The following EFCAB6 variants were observed in gnomAD, a reference collection of about 807,000 sequenced individuals.
EFCAB6 encodes EF-hand calcium binding domain 6, also known as EF-hand calcium-binding domain-containing protein 6.
Under a neutral mutation model 169.8 loss-of-function variants are expected in EFCAB6, and 156 were observed. The ratio of observed to expected loss-of-function variants is 0.92; its 90% confidence interval spans 0.81 to 1.05. EFCAB6 has a LOEUF of 1.05. Among genes scored for constraint, EFCAB6 ranks in the 50% least tolerant of loss-of-function variants. The pLI is 0.00. For synonymous variants in EFCAB6, 698 were observed against 676.4 expected, an observed-to-expected ratio of 1.03 and a Z score of -0.50; for missense variants, 1,800 against 1,829.1, an observed-to-expected ratio of 0.98 and a Z score of 0.29.
chr22:43,599,868 G>C (rs571882314), intron 23 of EFCAB6, among the ~76,000 whole-genome samples: 1 of 152,224 alleles, frequency 6.6e-6, no homozygotes, highest in East Asian at 1.9e-4. Context: ...ATTGTGACTG[G>C]GTAAGATGGA....
intron 13 of EFCAB6, among the ~76,000 whole-genome samples, chr22:43,675,251 T>G (rs1226341439): frequency 3.5e-5 from 5 of 143,004 alleles, no homozygotes; most frequent in African/African-American, 1.3e-4. Context: ...TATTATATAT[T>G]ATGTGTATAT....
At chr22:43,618,120 A>T (rs2053828994) in intron 20 of EFCAB6, among the ~76,000 whole-genome samples, 1 of 134,978 alleles carries the variant, frequency 7.4e-6, no homozygotes, top group Admixed American at 7.8e-5. Flanking sequence ...AATCTCAAAA[A>T]AAAAAAAGAA....
intron 6 of EFCAB6, among the ~76,000 whole-genome samples, chr22:43,753,976 A>C (rs1454403551): frequency 6.6e-6 from 1 of 152,208 alleles, no homozygotes; most frequent in Non-Finnish European, 1.5e-5. Context: ...ATCATTCCTA[A>C]GTCTTTTTCT....
intron 5 of EFCAB6, among the ~76,000 whole-genome samples, chr22:43,756,543 C>T (rs1449182571): frequency 3.9e-5 from 6 of 152,106 alleles, no homozygotes; most frequent in East Asian, 1.9e-4. Flanking sequence ...GAGGAGAACA[C>T]GAGGAGGCAG....
intron 2 of EFCAB6, among the ~76,000 whole-genome samples, chr22:43,808,397 G>C (rs531271139): frequency 6.6e-6 from 1 of 152,222 alleles, no homozygotes; most frequent in South Asian, 2.1e-4. Context: ...ACATGGAATC[G>C]CGGTCCATGT....
chr22:43,540,859 TTC>T (rs1429390583), intron 27 of EFCAB6, among the ~76,000 whole-genome samples: 1 of 152,134 alleles, frequency 6.6e-6, no homozygotes, highest in African/African-American at 2.4e-5. Context: ...AAAAAATGTC[TTC>T]TCACAAGATG....
intron 10 of EFCAB6, among the ~76,000 whole-genome samples, chr22:43,704,030 A>G (rs2058860755): frequency 6.6e-6 from 1 of 152,164 alleles, no homozygotes; most frequent in Non-Finnish European, 1.5e-5. Flanking sequence ...GAGGTCTCTA[A>G]TCAAATTCAA....
chr22:43,781,008 C>G (rs561817790), intron 3 of EFCAB6, among the ~76,000 whole-genome samples: 1 of 152,164 alleles, frequency 6.6e-6, no homozygotes, highest in African/African-American at 2.4e-5. Context: ...TCTTTATCTC[C>G]CTCTCTAGAC....
At chr22:43,602,351 C>T (rs540439272) in intron 22 of EFCAB6, among the ~76,000 whole-genome samples, 22 of 152,340 alleles carry the variant, frequency 1.4e-4, no homozygotes, top group Admixed American at 3.9e-4. Flanking sequence ...CTCTGCAGTT[C>T]CCGAGGCTTC....
intron 19 of EFCAB6, 136 bp downstream of exon 19, chr22:43,631,969 G>C: frequency 7.7e-7 from 1 of 1,291,254 alleles, no homozygotes; most frequent in African/African-American, 1.5e-5. Context: ...CCAATGCTGG[G>C]TCTGCAGAGG....
At chr22:43,712,595 T>G (rs889094165) in intron 9 of EFCAB6, among the ~76,000 whole-genome samples, 25 of 152,328 alleles carry the variant, frequency 1.6e-4, no homozygotes, top group African/African-American at 5.1e-4. Flanking sequence ...GAAAATTGCA[T>G]AAAATTAACC....
At chr22:43,758,916 A>C (rs1370028075) in intron 5 of EFCAB6, among the ~76,000 whole-genome samples, 1 of 152,246 alleles carries the variant, frequency 6.6e-6, no homozygotes. Context: ...GTTTTGCAAC[A>C]GGCTTTTAAA....
intron 6 of EFCAB6, among the ~76,000 whole-genome samples, chr22:43,752,420 C>G (rs1258010459): frequency 6.6e-6 from 1 of 152,148 alleles, no homozygotes; most frequent in Non-Finnish European, 1.5e-5. Flanking sequence ...GCCCGGCTGC[C>G]CACTTCTCCT....
chr22:43,784,870 T>C (rs2062021378), intron 2 of EFCAB6, among the ~76,000 whole-genome samples: 1 of 150,492 alleles, frequency 6.6e-6, no homozygotes, highest in African/African-American at 2.4e-5. Flanking sequence ...ACTGAGACCC[T>C]GTCTCTAAAT....
chr22:43,684,625 T>C (rs2058121127), intron 11 of EFCAB6, among the ~76,000 whole-genome samples: 1 of 152,236 alleles, frequency 6.6e-6, no homozygotes, highest in South Asian at 2.1e-4. Context: ...TTTTTGTTGC[T>C]GCGTCTATAC....
intron 25 of EFCAB6, among the ~76,000 whole-genome samples, chr22:43,577,599 G>GT (rs1174785938): frequency 1.3e-5 from 2 of 152,194 alleles, no homozygotes; most frequent in Non-Finnish European, 2.9e-5. Flanking sequence ...GAGGGCAGGT[G>GT]TAAGTTTTCC....
At chr22:43,760,257 A>G (rs1050442317) in intron 5 of EFCAB6, among the ~76,000 whole-genome samples, 1 of 151,878 alleles carries the variant, frequency 6.6e-6, no homozygotes, top group African/African-American at 2.4e-5. Flanking sequence ...ATAAGTATAT[A>G]ATATAGAGTT....
intron 23 of EFCAB6, among the ~76,000 whole-genome samples, chr22:43,599,013 C>CT: frequency 6.6e-6 from 1 of 152,102 alleles, no homozygotes; most frequent in East Asian, 1.9e-4. Context: ...GGGGTACCTT[C>CT]TGCACAGCAT....
intron 17 of EFCAB6, among the ~76,000 whole-genome samples, chr22:43,658,457 G>T (rs1041845552): frequency 6.6e-6 from 1 of 152,146 alleles, no homozygotes; most frequent in African/African-American, 2.4e-5. Context: ...CAAAATTGGA[G>T]ACCCGGGTGG....
Sources: gnomAD v4.1 joint callset for allele counts (sites outside exome capture counted in the v4.1 genomes callset) on GRCh38, gnomAD v4.1.1 for gene constraint, MANE v1.5 for transcripts, NCBI Gene and HGNC (gene_info 2026-07-23, HGNC 2026-07-21) for gene names.